The following MPZL1 variants were observed in gnomAD, a reference collection of about 807,000 sequenced individuals.
MPZL1 encodes myelin protein zero-like protein 1.
A neutral mutation model predicts 29.3 loss-of-function variants in MPZL1; 16 were observed. That is an observed-to-expected ratio of 0.55 (90% CI 0.37 to 0.83). The LOEUF (loss-of-function observed/expected upper bound fraction) is 0.83, where lower values mean the gene tolerates loss of function less well. Ranked by LOEUF, MPZL1 falls within the 40% of genes least tolerant of loss-of-function variation. The pLI is 0.00. For synonymous variants in MPZL1, 143 were observed against 132.0 expected, an observed-to-expected ratio of 1.08 and a Z score of -0.57; for missense variants, 279 against 332.9, an observed-to-expected ratio of 0.84 and a Z score of 1.26.
chr1:167,745,328 G>A (rs1257038083), intron 1 of MPZL1, among the ~76,000 whole-genome samples: 1 of 152,090 alleles, frequency 6.6e-6, no homozygotes, highest in Non-Finnish European at 1.5e-5. Context: ...CATTGTTTAT[G>A]TTATGGGGCA....
chr1:167,750,129 CAGAT>C (rs1660725809), intron 1 of MPZL1, among the ~76,000 whole-genome samples: 1 of 152,192 alleles, frequency 6.6e-6, no homozygotes, highest in Non-Finnish European at 1.5e-5. Flanking sequence ...CAGAAAGTTT[CAGAT>C]AGAACACAAA....
At chr1:167,780,886 A>G (rs1416595984) in intron 5 of MPZL1, among the ~76,000 whole-genome samples, 1 of 152,150 alleles carries the variant, frequency 6.6e-6, no homozygotes, top group Non-Finnish European at 1.5e-5. Context: ...TGTTATATAT[A>G]TTTTACCACA....
At chr1:167,743,044 G>A (rs1443603790) in intron 1 of MPZL1, among the ~76,000 whole-genome samples, 9 of 151,996 alleles carry the variant, frequency 5.9e-5, no homozygotes, top group African/African-American at 2.2e-4. Context: ...TGGCCTTATA[G>A]TATGGTTTGA....
chr1:167,785,923 G>A (rs1661583335), intron 5 of MPZL1, among the ~76,000 whole-genome samples: 1 of 152,086 alleles, frequency 6.6e-6, no homozygotes, highest in African/African-American at 2.4e-5. Flanking sequence ...CTCCTGAGTA[G>A]CTGGGACTCC....
intron 1 of MPZL1, 76 bp from the exon 2 acceptor site, chr1:167,765,507 T>C: frequency 7.5e-7 from 1 of 1,325,346 alleles, no homozygotes; most frequent in Non-Finnish European, 1.0e-6. Context: ...GCTGTATCTT[T>C]TCTTGTCTGG....
chr1:167,778,449 A>G (rs966586244), intron 5 of MPZL1, among the ~76,000 whole-genome samples: 5 of 152,028 alleles, frequency 3.3e-5, no homozygotes, highest in Non-Finnish European at 1.5e-5. Flanking sequence ...CTTGAGCCCA[A>G]GAGTGTAAGA....
At chr1:167,770,788 G>T (rs1661224760) in intron 2 of MPZL1, among the ~76,000 whole-genome samples, 1 of 152,060 alleles carries the variant, frequency 6.6e-6, no homozygotes, top group African/African-American at 2.4e-5. Context: ...ACTATCATTG[G>T]TACCTTGGGA....
chr1:167,765,900 T>A, intron 2 of MPZL1, 151 bp downstream of exon 2: 2 of 628,134 alleles, frequency 3.2e-6, no homozygotes, highest in Non-Finnish European at 4.9e-6. Flanking sequence ...TGCTTCAGGA[T>A]AAAATAAGTT....
In MPZL1 at chr1:167,722,049, G is replaced by A. The variant is rs1304265927; in HGVS notation, c.-103G>A. The A allele has an allele frequency of 1.5e-5, 19 of 1,227,290 alleles. No homozygotes were observed. The highest frequency in any genetic ancestry group is 1.8e-5 in the Non-Finnish European group (18 of 984,474). 76.0% of individuals were successfully genotyped at this position (1,227,290 alleles called of 1,614,324 possible). On this transcript the variant is annotated 5_prime_UTR_variant, in exon 1 of 6. In the 5' UTR this introduces an upstream ATG that the reference lacks. Coordinates refer to ENST00000359523, the MANE Select transcript of MPZL1 (RefSeq NM_003953.6). ...GGCGTGGAGGTGCCACCCGGCGCGG[G>A]TGGCGGAGAGATCAGAAGCCTCTTC...
At chr1:167,765,773 G>T in intron 2 of MPZL1, 24 bp downstream of exon 2, 1 of 1,564,752 alleles carries the variant, frequency 6.4e-7, no homozygotes. Flanking sequence ...ACTTCTCTTG[G>T]CTAGTCCTGC....
chr1:167,767,744 A>G (rs1000982533), intron 2 of MPZL1, among the ~76,000 whole-genome samples: 1 of 142,440 alleles, frequency 7.0e-6, no homozygotes, highest in Non-Finnish European at 1.5e-5. Flanking sequence ...TGGGATCCAC[A>G]TGTCTGAAAC....
chr1:167,754,716 G>A (rs1660831791), intron 1 of MPZL1, among the ~76,000 whole-genome samples: 1 of 152,166 alleles, frequency 6.6e-6, no homozygotes, highest in South Asian at 2.1e-4. Context: ...CGTAAGTGAA[G>A]TCCCAACATC....
At chr1:167,787,183 G>A (rs888377268) in intron 5 of MPZL1, 2 of 152,104 alleles carry the variant, frequency 1.3e-5, no homozygotes, top group African/African-American at 2.4e-5. Flanking sequence ...TTTTAAAACA[G>A]GAAGAACAGT....
chr1:167,772,821 G>T (rs1661280689), intron 3 of MPZL1, among the ~76,000 whole-genome samples: 1 of 152,190 alleles, frequency 6.6e-6, no homozygotes, highest in African/African-American at 2.4e-5. Flanking sequence ...GAAAGAAGGA[G>T]ATTCATACTG....
At chr1:167,733,681 T>C (rs1204384749) in intron 1 of MPZL1, among the ~76,000 whole-genome samples, 1 of 151,482 alleles carries the variant, frequency 6.6e-6, no homozygotes, top group Admixed American at 6.6e-5. Context: ...GGAGGTGAGG[T>C]TGCAGTGAGC....
At chr1:167,757,695 C>A (rs1660895284) in intron 1 of MPZL1, among the ~76,000 whole-genome samples, 1 of 152,132 alleles carries the variant, frequency 6.6e-6, no homozygotes, top group South Asian at 2.1e-4. Context: ...TGTGTACCAA[C>A]AAAGAACAAG....
chr1:167,730,740 T>C (rs565278284), intron 1 of MPZL1, among the ~76,000 whole-genome samples: 1 of 152,362 alleles, frequency 6.6e-6, no homozygotes, highest in African/African-American at 2.4e-5. Context: ...ACTTTCTTCC[T>C]TTGAGATGAG....
At chr1:167,765,367 A>G in intron 1 of MPZL1, 1 of 303,526 alleles carries the variant, frequency 3.3e-6, no homozygotes, top group African/African-American at 2.2e-5. Context: ...TATCTTAACT[A>G]AAAAGCAATA....
rs774611276 is a variant in MPZL1, at chr1:167,765,685, C to T, written c.194C>T (p.Thr65Met). The change falls in exon 2 of 6, where the codon ACG (threonine) becomes ATG (methionine). Residue 65 changes from threonine (T) to methionine (M), a missense_variant. Thr to Met is a moderately conservative substitution (Grantham distance 81). Coordinates refer to ENST00000359523, the MANE Select transcript of MPZL1 (RefSeq NM_003953.6). ...KLTCKFKSTSTTGGLTSVSWS... is the reference protein window; with the variant it reads ...KLTCKFKSTSMTGGLTSVSWS... Reference sequence around the variant, plus strand: ...ACCTGCAAGTTCAAGTCTACTAGTACGACTGGCGGGTTGACCTCAGTCTCC... The same window carrying T: ...ACCTGCAAGTTCAAGTCTACTAGTATGACTGGCGGGTTGACCTCAGTCTCC... 10 of 1,613,210 alleles carry T rather than the reference C, an allele frequency of 6.2e-6. No homozygotes were observed. Among genetic ancestry groups the T allele is most frequent in the South Asian group, 3.3e-5 (3 of 90,918 alleles).
Sources: gnomAD v4.1 joint callset for allele counts (sites outside exome capture counted in the v4.1 genomes callset) on GRCh38, gnomAD v4.1.1 for gene constraint, MANE v1.5 for transcripts, NCBI Gene and HGNC (gene_info 2026-07-23, HGNC 2026-07-21) for gene names.